Variants in PAPLN observed in about 807,000 individuals in gnomAD.
PAPLN encodes papilin.
In PAPLN, 146 loss-of-function variants were observed where a neutral mutation model predicts 159.0. That is an observed-to-expected ratio of 0.92 (90% confidence interval 0.80 to 1.05). The LOEUF is 1.05. Among genes scored for constraint, PAPLN ranks in the 50% least tolerant of loss-of-function variants. The pLI is 0.00. For missense variants in PAPLN, 1,720 were observed against 1,743.9 expected (o/e 0.99, Z 0.24); for synonymous variants, 734 against 702.9 (o/e 1.04, Z -0.70).
At chr14:73,261,845 A>G (rs1594818670) in intron 18 of PAPLN, among the ~76,000 whole-genome samples, 1 of 152,292 alleles carries the variant, frequency 6.6e-6, no homozygotes, top group Middle Eastern at 3.4e-3. Context: ...GGGTCAGGCC[A>G]TGCTGGCGAG....
In PAPLN at chr14:73,250,774, C is replaced by A. The variant is rs1233995804; in HGVS notation, c.466-133C>A. On this transcript the variant is annotated intron_variant, in intron 6 of 26. Coordinates refer to ENST00000644200, the MANE Select transcript of PAPLN (RefSeq NM_001365906.3). Reference sequence around the variant, plus strand: ...TGTCAGCCACAGGCCAGTCCCCTGGCTGGTGGCTGAATCACTCCCGACCAC... The same window carrying A: ...TGTCAGCCACAGGCCAGTCCCCTGGATGGTGGCTGAATCACTCCCGACCAC... The A allele has an allele frequency of 2.1e-5, 24 of 1,124,826 alleles. No individual in the cohort carries two copies. The East Asian group carries it at 6.0e-4, about 28-fold the overall frequency. The allele number at this position is 1,124,826 out of a possible 1,614,324, so 69.7% of individuals were successfully genotyped here. A position where few individuals can be genotyped will look rare whatever the true frequency, so the allele number is the denominator to read the frequency against.
In PAPLN at chr14:73,262,330, A is replaced by G; in HGVS notation, c.2246-20A>G. ...AGTACTGGGCACCTCAGTGACTTAT[A>G]TCACACCCATGCCCTGCAGCCTACC... On this transcript the variant is annotated intron_variant, in intron 18 of 26. Coordinates refer to ENST00000644200, the MANE Select transcript of PAPLN (RefSeq NM_001365906.3). 6.3e-7 allele frequency: 1 copy of G among 1,591,700 alleles called. No individual in the cohort carries two copies.
In PAPLN at chr14:73,263,769, A is replaced by G. The variant is rs775802866; in HGVS notation, c.2848A>G (p.Ile950Val). 5 of 1,603,778 alleles carry G rather than the reference A, an allele frequency of 3.1e-6. No homozygotes were observed. Among genetic ancestry groups the G allele is most frequent in the Middle Eastern group, 3.3e-4 (2 of 6,046 alleles). ...QAAWQKDGQP[I>V]SSDRHRLQFD... Reference sequence around the variant, plus strand: ...TGCCTGGCAGAAAGATGGCCAGCCCATCTCCTCTGACAGGTGGGTGAGAGT... The same window carrying G: ...TGCCTGGCAGAAAGATGGCCAGCCCGTCTCCTCTGACAGGTGGGTGAGAGT... Residue 950 changes from isoleucine (I) to valine (V), a missense_variant, in exon 20 of 27, where the codon ATC becomes GTC. Transcript: ENST00000644200.
intron 13 of PAPLN, 27 bp downstream of exon 13, chr14:73,254,722 C>T (rs1885697775): frequency 6.2e-7 from 1 of 1,606,356 alleles, no homozygotes; most frequent in African/African-American, 1.3e-5. Flanking sequence ...CCCACACCTG[C>T]TGCCTGACCC....
Position 73,250,969 on chromosome 14 carries a change from G to C in PAPLN, c.528G>C (p.Gly176=), listed in dbSNP as rs745553442. 12 of 1,613,786 alleles carry C rather than the reference G, an allele frequency of 7.4e-6. No homozygotes were observed. The highest frequency in any genetic ancestry group is 1.1e-5 in the South Asian group (1 of 91,080). The change falls in exon 7 of 27, where the codon GGG becomes GGC. Residue 176 remains glycine, a synonymous_variant. Coordinates refer to ENST00000644200, the MANE Select transcript of PAPLN (RefSeq NM_001365906.3). ...SKQEDKCLRC[G]GDGTTCYPVA... ...AGGAGGACAAGTGTCTGCGGTGTGG[G>C]GGTGACGGCACGACCTGCTACCCCG...
At chr14:73,236,678 A>G (rs147635066), upstream of PAPLN, among the ~76,000 whole-genome samples, 69 of 152,100 alleles carry the variant, frequency 4.5e-4, no homozygotes, top group African/African-American at 1.4e-3. Context: ...TTAGCCAGGC[A>G]TCATACAGAC....
Position 73,263,772 on chromosome 14 carries a change from T to G in PAPLN, c.2851T>G (p.Ser951Ala). The G allele has an allele frequency of 6.2e-7, 1 of 1,603,330 alleles. No homozygotes were observed. Among genetic ancestry groups the G allele is most frequent in the Non-Finnish European group, 8.5e-7 (1 of 1,179,622 alleles). The change falls in exon 20 of 27, where the codon TCC becomes GCC. Residue 951 changes from serine to alanine, a missense_variant. Physicochemically the swap from Ser to Ala is moderately conservative, Grantham distance 99. Transcript: ENST00000644200. ...AAWQKDGQPI[S>A]SDRHRLQFDG... ...CTGGCAGAAAGATGGCCAGCCCATC[T>G]CCTCTGACAGGTGGGTGAGAGTCCC...
In PAPLN at chr14:73,260,774, C is replaced by T. The variant is rs138709368; in HGVS notation, c.2051C>T (p.Ser684Leu). 5.7e-4 allele frequency: 842 copies of T among 1,488,962 alleles called. No individual in the cohort carries two copies. Among genetic ancestry groups the T allele is most frequent in the Non-Finnish European group, 6.4e-4 (718 of 1,122,570 alleles). 92.2% of individuals were successfully genotyped at this position (1,488,962 alleles called of 1,614,324 possible). The change falls in exon 17 of 27, where the codon TCG (serine) becomes TTG (leucine). Residue 684 changes from serine to leucine, a missense_variant. Ser to Leu is a moderately radical substitution (Grantham distance 145). Coordinates refer to ENST00000644200, the MANE Select transcript of PAPLN (RefSeq NM_001365906.3). ...CCCCATCACGCTGGCTGCACAAAGT[C>T]GTATGGTGGTGACAGCACCGGGGGC... is the stretch of plus-strand genomic sequence containing the variant. ...EGPHHAGCTK[S>L]YGGDSTGGMP... is the part of the protein sequence containing the mutation.
intron 14 of PAPLN, among the ~76,000 whole-genome samples, chr14:73,255,739 CTA>C (rs1349100315): frequency 4.6e-5 from 7 of 152,148 alleles, no homozygotes; most frequent in African/African-American, 1.7e-4. Flanking sequence ...GATGGGGACT[CTA>C]TGAGCTGTAG....
At chr14:73,244,358 C>A (rs1046728118) in intron 2 of PAPLN, 8 of 353,852 alleles carry the variant, frequency 2.3e-5, no homozygotes, top group Non-Finnish European at 2.1e-5. Flanking sequence ...GCTGTAGGGT[C>A]CCTCCCCTCC....
intron 14 of PAPLN, among the ~76,000 whole-genome samples, 178 bp downstream of exon 14, chr14:73,255,196 G>A (rs1885766198): frequency 6.6e-6 from 1 of 152,126 alleles, no homozygotes; most frequent in Admixed American, 6.5e-5. Flanking sequence ...CACCTGGTGT[G>A]CAGCCCACCA....
chr14:73,254,521 C>A lies in PAPLN; in HGVS notation c.1311C>A (p.Val437=), dbSNP rs1364142102. 1.2e-6 allele frequency: 2 copies of A among 1,613,832 alleles called. No individual in the cohort carries two copies. The highest frequency in any genetic ancestry group is 4.5e-5 in the East Asian group (2 of 44,892). The stretch of plus-strand genomic sequence containing the variant: ...CAGCCTTGTCCTTGCAGTGTTCTGT[C>A]AGTTGTGGCGTTGGCGTCCGGAAGC... ...WSPEPWGECS[V]SCGVGVRKRS... is the part of the protein sequence containing the mutation. Residue 437 remains valine, a synonymous_variant, in exon 13 of 27, where the codon GTC becomes GTA. Transcript: ENST00000644200.
At chr14:73,266,407 T>G in intron 23 of PAPLN, 94 bp from the exon 24 acceptor site, 1 of 1,464,364 alleles carries the variant, frequency 6.8e-7, no homozygotes, top group Admixed American at 2.2e-5. Flanking sequence ...TAGAAGACCT[T>G]GTGTTCCCTC....
chr14:73,261,382 C>CT, intron 18 of PAPLN, 88 bp downstream of exon 18: 1 of 1,499,404 alleles, frequency 6.7e-7, no homozygotes, highest in Non-Finnish European at 8.9e-7. Context: ...AAAGACCTTC[C>CT]TACCAGCTCA....
At chr14:73,236,724 G>T (rs1229881256), upstream of PAPLN, among the ~76,000 whole-genome samples, 2 of 151,906 alleles carry the variant, frequency 1.3e-5, no homozygotes, top group African/African-American at 2.4e-5. Context: ...GCTGAGGCTG[G>T]AGAATCGCTT....
Position 73,258,618 on chromosome 14 carries a change from T to TAAAAA in PAPLN, c.1628-345_1628-341dup, listed in dbSNP as rs57126237. Among the ~76,000 whole-genome samples the TAAAAA allele has an allele frequency of 5.0e-4, 38 of 75,758 alleles. 2 individuals are homozygous for TAAAAA. The highest frequency in any genetic ancestry group is 2.5e-3 in the South Asian group (5 of 1,962). The allele number at this position is 75,758 out of a possible 152,430, so 49.7% of individuals were successfully genotyped here. The stretch of plus-strand genomic sequence containing the variant: ...GGGCAATATAGAAAGACCCTATCTC[T>TAAAAA]AAAAAAAAAAAAAAAAAAAAGTAGT... On this transcript the variant is annotated intron_variant, in intron 14 of 26. Coordinates refer to ENST00000644200, the MANE Select transcript of PAPLN (RefSeq NM_001365906.3).
chr14:73,259,058 A>AGG lies in PAPLN; in HGVS notation c.1708_1708+1dup. On this transcript the variant is annotated frameshift_variant and splice_region_variant, in exon 15 of 27. Transcript: ENST00000644200. LOFTEE classifies it high-confidence loss of function. ...TGGGCCCTCAGGAGTCCCCTGCCTC[A>AGG]GGTGAGAGCCTGGTCCCGTCCCCCA... The AGG allele has an allele frequency of 6.2e-7, 1 of 1,610,722 alleles. No homozygotes were observed. The highest frequency in any genetic ancestry group is 8.5e-7 in the Non-Finnish European group (1 of 1,178,338).
chr14:73,244,630 C>T lies in PAPLN; in HGVS notation c.55-14C>T. The T allele has an allele frequency of 1.3e-6, 2 of 1,558,538 alleles. No homozygotes were observed. Among genetic ancestry groups the T allele is most frequent in the South Asian group, 1.2e-5 (1 of 84,516 alleles). On this transcript the variant is annotated splice_polypyrimidine_tract_variant and intron_variant, in intron 2 of 26. Transcript: ENST00000644200. ...TGAGTGGGCAATGCTGATGCATGGT[C>T]CTGTCTTCTGCAGGCTCCCAAGGTG...
chr14:73,262,855 G>A, intron 19 of PAPLN, 28 bp downstream of exon 19: 1 of 1,431,478 alleles, frequency 7.0e-7, no homozygotes, highest in African/African-American at 1.4e-5. Context: ...CAGGTGAGGG[G>A]GTTAGGACGC....
Sources: allele counts gnomAD v4.1 joint callset (sites outside exome capture counted in the v4.1 genomes callset), GRCh38; gene constraint gnomAD v4.1.1; transcripts MANE v1.5; gene names NCBI Gene and HGNC (gene_info 2026-07-23, HGNC 2026-07-21).